The following AGBL4 variants were observed in gnomAD, a reference collection of about 807,000 sequenced individuals.
AGBL4 encodes cytosolic carboxypeptidase 6.
A neutral mutation model predicts 66.4 loss-of-function variants in AGBL4; 58 were observed. That is an observed-to-expected ratio of 0.87 (90% CI 0.71 to 1.09). AGBL4 has a LOEUF of 1.09. AGBL4 is among the 50% of genes least tolerant of loss of function. The pLI, the probability that AGBL4 is intolerant of heterozygous loss-of-function variation, is 0.00. For missense variants in AGBL4, 579 were observed against 631.0 expected, an observed-to-expected ratio of 0.92 and a Z score of 0.88; for synonymous variants, 234 against 222.9, an observed-to-expected ratio of 1.05 and a Z score of -0.44.
chr1:49,347,493 C>T (rs1010295638), intron 3 of AGBL4, among the ~76,000 whole-genome samples: 15 of 151,838 alleles, frequency 9.9e-5, no homozygotes, highest in Non-Finnish European at 1.3e-4. Context: ...CCTCATGATC[C>T]GCCCGCCTCA....
Position 49,502,223 on chromosome 1 carries a change from T to C in AGBL4, c.282+195090A>G, listed in dbSNP as rs559846786. 2.6e-5 allele frequency among the ~76,000 whole-genome samples: 4 copies of C among 152,278 alleles called. No individual in the cohort carries two copies. In the South Asian group the frequency reaches 8.3e-4, roughly 32 times the overall value. ...TGGCCACAGACTGGAGGCTGCACTG[T>C]TGGCTTTCCTACTTTTGAGGTTTTG... On this transcript the variant is annotated intron_variant, in intron 3 of 13. Coordinates refer to ENST00000371839, the MANE Select transcript of AGBL4 (RefSeq NM_032785.4).
intron 6 of AGBL4, among the ~76,000 whole-genome samples, chr1:48,834,029 C>A (rs1355299499): frequency 6.6e-6 from 1 of 152,134 alleles, no homozygotes; most frequent in African/African-American, 2.4e-5. Context: ...TATTTGCAAG[C>A]CATAATATCT....
chr1:49,821,751 G>A (rs1190073960), intron 2 of AGBL4, among the ~76,000 whole-genome samples: 2 of 152,130 alleles, frequency 1.3e-5, no homozygotes, highest in Non-Finnish European at 2.9e-5. Flanking sequence ...GACTTAGTTG[G>A]AAATGTTCCT....
intron 13 of AGBL4, among the ~76,000 whole-genome samples, chr1:48,534,533 T>C (rs777310206): frequency 2.0e-5 from 3 of 152,162 alleles, no homozygotes; most frequent in Non-Finnish European, 2.9e-5. Flanking sequence ...ACAATAACTA[T>C]AATATGTGTC....
rs978503379 is a variant in AGBL4, at chr1:49,851,474, T to C, written c.79A>G (p.Lys27Glu). Reference sequence around the variant, plus strand: ...TAGCCAGTTGGAAGCACTATATATTTGCTCACATTCCCTCCAATGGCATCA... The same window carrying C: ...TAGCCAGTTGGAAGCACTATATATTCGCTCACATTCCCTCCAATGGCATCA... The part of the protein sequence containing the change: ...NDDAIGGNVS[K>E]YIVLPTGYCG... The change falls in exon 2 of 14, where the codon AAA becomes GAA. Residue 27 changes from lysine (K) to glutamate (E), a missense_variant. Lys to Glu is a moderately conservative substitution (Grantham distance 56, BLOSUM62 1). Coordinates refer to ENST00000371839, the MANE Select transcript of AGBL4 (RefSeq NM_032785.4). The C allele has an allele frequency of 6.4e-7, 1 of 1,550,388 alleles. No homozygotes were observed. Among genetic ancestry groups the C allele is most frequent in the Middle Eastern group, 1.7e-4 (1 of 5,988 alleles).
At chr1:49,196,101 C>A (rs1335404083) in intron 4 of AGBL4, among the ~76,000 whole-genome samples, 2 of 152,198 alleles carry the variant, frequency 1.3e-5, no homozygotes, top group Non-Finnish European at 2.9e-5. Context: ...GTCAATTAAA[C>A]CTTTTTCCTA....
At chr1:49,993,534 C>T (rs951578069) in intron 1 of AGBL4, among the ~76,000 whole-genome samples, 4 of 152,196 alleles carry the variant, frequency 2.6e-5, no homozygotes, top group African/African-American at 9.7e-5. Flanking sequence ...CCTTTCCCTT[C>T]TCACCCACAA....
At chr1:48,776,964 TC>T (rs1386923760) in intron 6 of AGBL4, 2 of 246,660 alleles carry the variant, frequency 8.1e-6, no homozygotes, top group East Asian at 1.4e-4. Context: ...GGACCCAGGC[TC>T]CCCCCACTGT....
At chr1:48,961,894 G>A (rs925600249) in intron 5 of AGBL4, among the ~76,000 whole-genome samples, 3 of 152,160 alleles carry the variant, frequency 2.0e-5, no homozygotes, top group Non-Finnish European at 2.9e-5. Context: ...GGTCCACAGC[G>A]GGGAAAGTAC....
At chr1:49,568,680 A>G (rs943266083) in intron 3 of AGBL4, among the ~76,000 whole-genome samples, 2 of 152,200 alleles carry the variant, frequency 1.3e-5, no homozygotes, top group Non-Finnish European at 2.9e-5. Flanking sequence ...ATATGGCACC[A>G]AAAAAGAGTC....
chr1:49,478,499 CTTCAATCA>C (rs1646889890), intron 3 of AGBL4, among the ~76,000 whole-genome samples: 1 of 151,846 alleles, frequency 6.6e-6, no homozygotes, highest in African/African-American at 2.4e-5. Context: ...TGAAAATAAC[CTTCAATCA>C]TGAAGGAGAA....
At chr1:49,091,083 A>T (rs1328009705) in intron 4 of AGBL4, among the ~76,000 whole-genome samples, 1 of 152,156 alleles carries the variant, frequency 6.6e-6, no homozygotes, top group Non-Finnish European at 1.5e-5. Context: ...TACAAAAATA[A>T]ACTCAAGATG....
intron 3 of AGBL4, among the ~76,000 whole-genome samples, chr1:49,512,969 C>T (rs1649414998): frequency 6.6e-6 from 1 of 151,938 alleles, no homozygotes; most frequent in Non-Finnish European, 1.5e-5. Flanking sequence ...CTCATTTTAT[C>T]CTATTCTTGA....
chr1:49,987,108 A>G (rs1659561165), intron 1 of AGBL4, among the ~76,000 whole-genome samples: 1 of 152,080 alleles, frequency 6.6e-6, no homozygotes, highest in Admixed American at 6.5e-5. Flanking sequence ...ACAGATCTGT[A>G]AAAAACATCA....
At chr1:48,691,288 AT>A (rs1010135601) in intron 6 of AGBL4, among the ~76,000 whole-genome samples, 12 of 151,634 alleles carry the variant, frequency 7.9e-5, no homozygotes, top group African/African-American at 2.2e-4. Context: ...AGATAGTTAT[AT>A]TTTTTTATAA....
intron 1 of AGBL4, among the ~76,000 whole-genome samples, chr1:49,994,141 A>G (rs1420232032): frequency 2.6e-5 from 4 of 152,192 alleles, no homozygotes; most frequent in Admixed American, 2.6e-4. Flanking sequence ...CAAAAACAGA[A>G]GAAGCCAGAC....
chr1:48,742,887 G>T, intron 6 of AGBL4: 2 of 1,075,362 alleles, frequency 1.9e-6, no homozygotes, highest in Non-Finnish European at 2.5e-6. Flanking sequence ...GCTTATTTTT[G>T]TCCATTGAAC....
intron 3 of AGBL4, among the ~76,000 whole-genome samples, chr1:49,444,244 T>C (rs529253153): frequency 6.6e-6 from 1 of 152,170 alleles, no homozygotes; most frequent in South Asian, 2.1e-4. Context: ...TAGTTTTGGA[T>C]AGAATATTCT....
intron 1 of AGBL4, among the ~76,000 whole-genome samples, chr1:49,915,512 T>A (rs949043395): frequency 6.6e-6 from 1 of 152,118 alleles, no homozygotes; most frequent in South Asian, 2.1e-4. Context: ...GAGATCAAAC[T>A]GCAAGGGGGC....
Sources: gnomAD v4.1 joint callset for allele counts (sites outside exome capture counted in the v4.1 genomes callset) on GRCh38, gnomAD v4.1.1 for gene constraint, MANE v1.5 for transcripts, NCBI Gene and HGNC (gene_info 2026-07-23, HGNC 2026-07-21) for gene names.